The following SPMIP2 variants were observed in gnomAD, a reference collection of about 807,000 sequenced individuals.
SPMIP2 encodes sperm microtubule inner protein 2, also known as protein SPMIP2.
the SPMIP2 span, among the ~76,000 whole-genome samples, chr4:158,946,570 C>T: frequency 1.3e-5 from 2 of 152,142 alleles, no homozygotes; most frequent in Admixed American, 6.5e-5. Flanking sequence ...GCTTCTCTTT[C>T]GCCTTCTGCC....
At chr4:159,025,070 ATAAG>A in the SPMIP2 span, among the ~76,000 whole-genome samples, 1 of 152,212 alleles carries the variant, frequency 6.6e-6, no homozygotes, top group African/African-American at 2.4e-5. Context: ...GGTCACAACA[ATAAG>A]TAAGTGGTGG....
the SPMIP2 span, among the ~76,000 whole-genome samples, chr4:159,044,447 A>T: frequency 1.3e-5 from 2 of 151,876 alleles, no homozygotes; most frequent in East Asian, 1.9e-4. Context: ...TTGTAACCAG[A>T]GGCCCCTCCC....
the SPMIP2 span, among the ~76,000 whole-genome samples, chr4:158,910,822 C>G: frequency 6.6e-6 from 1 of 152,170 alleles, no homozygotes; most frequent in African/African-American, 2.4e-5. Context: ...TTACCAACTT[C>G]CACAATCACA....
At chr4:159,004,145 T>C in the SPMIP2 span, among the ~76,000 whole-genome samples, 1 of 151,952 alleles carries the variant, frequency 6.6e-6, no homozygotes, top group Admixed American at 6.6e-5. Flanking sequence ...GCCTCCCAAG[T>C]AGCTGGGACC....
the SPMIP2 span, among the ~76,000 whole-genome samples, chr4:158,934,173 G>A: frequency 6.6e-6 from 1 of 152,070 alleles, no homozygotes; most frequent in Admixed American, 6.6e-5. Context: ...CTATAAAATA[G>A]GAACAGGTCA....
chr4:159,067,681 C>T, the SPMIP2 span, among the ~76,000 whole-genome samples: 7 of 152,134 alleles, frequency 4.6e-5, no homozygotes, highest in East Asian at 3.9e-4. Flanking sequence ...AACTAAAGAG[C>T]TTCTGCACAG....
chr4:158,941,678 T>C, the SPMIP2 span, among the ~76,000 whole-genome samples: 3 of 152,180 alleles, frequency 2.0e-5, no homozygotes, highest in Non-Finnish European at 4.4e-5. Flanking sequence ...AAAGGAGATT[T>C]CTGCTCAAAT....
the SPMIP2 span, among the ~76,000 whole-genome samples, chr4:158,943,947 C>T: frequency 6.8e-6 from 1 of 147,962 alleles, no homozygotes; most frequent in Non-Finnish European, 1.5e-5. Context: ...CCTCCACCTC[C>T]TGGGTTCAAG....
the SPMIP2 span, among the ~76,000 whole-genome samples, chr4:158,981,662 ATTTTG>A: frequency 2.0e-5 from 3 of 152,162 alleles, no homozygotes; most frequent in Non-Finnish European, 4.4e-5. Flanking sequence ...ATGCTGAGGG[ATTTTG>A]TCACCACCAG....
chr4:159,039,592 CAG>C, the SPMIP2 span, among the ~76,000 whole-genome samples: 1 of 152,198 alleles, frequency 6.6e-6, no homozygotes, highest in Non-Finnish European at 1.5e-5. Context: ...AACAGGCTAA[CAG>C]AGCAGTTAAA....
At chr4:159,058,688 A>G in the SPMIP2 span, among the ~76,000 whole-genome samples, 1 of 152,230 alleles carries the variant, frequency 6.6e-6, no homozygotes, top group Non-Finnish European at 1.5e-5. Flanking sequence ...GAAAAGAAAG[A>G]ACATAAATAG....
chr4:158,946,865 C>T, the SPMIP2 span, among the ~76,000 whole-genome samples: 6 of 152,218 alleles, frequency 3.9e-5, no homozygotes, highest in Admixed American at 6.5e-5. Context: ...TTGTTCACTT[C>T]TGAATCCCAG....
the SPMIP2 span, among the ~76,000 whole-genome samples, chr4:158,952,199 A>T: frequency 6.6e-6 from 1 of 152,238 alleles, no homozygotes. Flanking sequence ...ATTTGAAAAG[A>T]ACATGACTTG....
the SPMIP2 span, among the ~76,000 whole-genome samples, chr4:159,067,223 A>AT: frequency 2.1e-4 from 25 of 120,084 alleles, 1 homozygote; most frequent in Middle Eastern, 0.023. Flanking sequence ...ATGAGAATCT[A>AT]TTTAAAAAAA....
the SPMIP2 span, among the ~76,000 whole-genome samples, chr4:158,966,001 A>G: frequency 6.6e-6 from 1 of 152,224 alleles, no homozygotes; most frequent in African/African-American, 2.4e-5. Context: ...TGTGTAGTGC[A>G]ATTACTGACA....
At chr4:159,001,177 G>A in the SPMIP2 span, among the ~76,000 whole-genome samples, 1 of 151,990 alleles carries the variant, frequency 6.6e-6, no homozygotes, top group South Asian at 2.1e-4. Flanking sequence ...CTTCTTAATT[G>A]GTGCATTCTA....
chr4:158,973,165 G>C, the SPMIP2 span: 1 of 1,612,992 alleles, frequency 6.2e-7, no homozygotes, highest in Non-Finnish European at 8.5e-7. Context: ...ACGTACTCAT[G>C]TTTATATTTT....
At chr4:158,977,316 G>A in the SPMIP2 span, among the ~76,000 whole-genome samples, 40,760 of 152,044 alleles carry the variant, frequency 0.27, 6,206 homozygotes, top group Middle Eastern at 0.34. Context: ...TCCTGGTTTA[G>A]TTTGGGAGGG....
chr4:158,930,303 C>G, the SPMIP2 span, among the ~76,000 whole-genome samples: 2 of 151,900 alleles, frequency 1.3e-5, no homozygotes, highest in Non-Finnish European at 2.9e-5. Flanking sequence ...CCTCGACTTT[C>G]CAAGCTCAAG....
Sources: allele counts gnomAD v4.1 joint callset (sites outside exome capture counted in the v4.1 genomes callset), GRCh38; gene constraint gnomAD v4.1.1; transcripts MANE v1.5; gene names NCBI Gene and HGNC (gene_info 2026-07-23, HGNC 2026-07-21).